Variants in FBXL7 observed in about 807,000 individuals in gnomAD.
The protein encoded by FBXL7 is F-box/LRR-repeat protein 7.
Under a neutral mutation model 38.3 loss-of-function variants are expected in FBXL7, and 12 were observed. The ratio of observed to expected loss-of-function variants is 0.31; its 90% CI spans 0.20 to 0.51. The LOEUF is 0.51. Among genes scored for constraint, FBXL7 ranks in the 20% least tolerant of loss-of-function variants. The probability of loss-of-function intolerance (pLI) is 0.98; values close to 1 mark genes in which losing one functional copy is unlikely to be tolerated. For synonymous variants in FBXL7, 297 were observed against 300.9 expected (o/e 0.99, Z 0.13); for missense variants, 567 against 676.4 (o/e 0.84, Z 1.79).
chr5:15,559,508 G>A (rs143625553), intron 1 of FBXL7, among the ~76,000 whole-genome samples: 27 of 152,230 alleles, frequency 1.8e-4, no homozygotes, highest in Non-Finnish European at 3.2e-4. Flanking sequence ...GAGAACCGAC[G>A]TGACTTGCCC....
chr5:15,781,020 G>A (rs763574213), intron 2 of FBXL7, among the ~76,000 whole-genome samples: 13 of 152,150 alleles, frequency 8.5e-5, no homozygotes, highest in Non-Finnish European at 1.5e-4. Flanking sequence ...TTGGCCAGTC[G>A]CTATTTCTAA....
chr5:15,735,898 T>C (rs964186069), intron 2 of FBXL7, among the ~76,000 whole-genome samples: 14 of 152,354 alleles, frequency 9.2e-5, no homozygotes, highest in African/African-American at 3.1e-4. Context: ...GATTAAAGGC[T>C]GTTGGGTTTA....
chr5:15,567,340 T>A (rs2126445657), intron 1 of FBXL7, among the ~76,000 whole-genome samples: 1 of 152,252 alleles, frequency 6.6e-6, no homozygotes, highest in East Asian at 1.9e-4. Context: ...TCTACTTAGG[T>A]CATAAATTTT....
At chr5:15,729,984 G>C (rs749180301) in intron 2 of FBXL7, among the ~76,000 whole-genome samples, 1 of 152,040 alleles carries the variant, frequency 6.6e-6, no homozygotes, top group Non-Finnish European at 1.5e-5. Context: ...ACATATGATC[G>C]AAGAATAAAA....
intron 2 of FBXL7, among the ~76,000 whole-genome samples, chr5:15,921,410 G>GTATCCCT (rs1448219584): frequency 1.3e-5 from 2 of 149,318 alleles, no homozygotes; most frequent in African/African-American, 4.9e-5. Flanking sequence ...TCAACCAGCA[G>GTATCCCT]TATCCCTTTT....
chr5:15,643,815 G>A (rs984002099), intron 2 of FBXL7, among the ~76,000 whole-genome samples: 1 of 152,188 alleles, frequency 6.6e-6, no homozygotes, highest in Non-Finnish European at 1.5e-5. Flanking sequence ...TTGATCATCT[G>A]TCTCTTGGCT....
In FBXL7 at chr5:15,928,820, G is replaced by A. The variant is rs1256069878; in HGVS notation, c.739+319G>A. 2.0e-5 allele frequency among the ~76,000 whole-genome samples: 3 copies of A among 152,038 alleles called. No individual in the cohort carries two copies. Among genetic ancestry groups the A allele is most frequent in the Non-Finnish European group, 4.4e-5 (3 of 68,026 alleles). Reference sequence around the variant, plus strand: ...GTTGGTGTGCTGCACCCATTAACTCGTCATTTAACATTAGGTGTATCTCCA... The same window carrying A: ...GTTGGTGTGCTGCACCCATTAACTCATCATTTAACATTAGGTGTATCTCCA... On this transcript the variant is annotated intron_variant, in intron 3 of 3. Transcript: ENST00000504595. This position sits in a 1 kb window ranked among gnomAD's most constrained non-coding sequence, Gnocchi z 4.0.
chr5:15,931,596 G>C (rs944590787), intron 3 of FBXL7, among the ~76,000 whole-genome samples: 1 of 152,046 alleles, frequency 6.6e-6, no homozygotes, highest in African/African-American at 2.4e-5. Context: ...TCCAATAATT[G>C]CTCCCTATGA....
chr5:15,512,039 CAA>C (rs894360035), intron 1 of FBXL7, among the ~76,000 whole-genome samples: 2 of 152,174 alleles, frequency 1.3e-5, no homozygotes, highest in African/African-American at 4.8e-5. Flanking sequence ...GACATTAAGA[CAA>C]AGTTATTTTA....
intron 2 of FBXL7, among the ~76,000 whole-genome samples, chr5:15,855,604 C>T (rs903207335): frequency 6.6e-6 from 1 of 152,086 alleles, no homozygotes; most frequent in African/African-American, 2.4e-5. Flanking sequence ...ATTTGTGTCA[C>T]ACCTAGAGCT....
chr5:15,917,840 C>T (rs918919504), intron 2 of FBXL7, among the ~76,000 whole-genome samples: 1 of 150,320 alleles, frequency 6.7e-6, no homozygotes, highest in Non-Finnish European at 1.5e-5. Context: ...GAAACATTCT[C>T]TACCATAGGA....
chr5:15,882,167 G>A (rs1740482247), intron 2 of FBXL7, among the ~76,000 whole-genome samples: 1 of 152,120 alleles, frequency 6.6e-6, no homozygotes. Flanking sequence ...CTCCAACCAG[G>A]CCCCACCTCC....
intron 2 of FBXL7, among the ~76,000 whole-genome samples, chr5:15,803,821 C>T (rs1417246159): frequency 6.6e-6 from 1 of 152,138 alleles, no homozygotes; most frequent in Non-Finnish European, 1.5e-5. Context: ...GGACTCTGTG[C>T]AAGTGAGGAA....
In FBXL7 at chr5:15,919,367, ATACTG is replaced by A. The variant is rs201492403; in HGVS notation, c.128-8520_128-8516del. ...GAGATGTCTTGAATATTTTGATACTATACTGTAATTACTAACGATATAAAATTTCC... is the reference window on the plus strand; with the variant it reads ...GAGATGTCTTGAATATTTTGATACTATAATTACTAACGATATAAAATTTCC... On this transcript the variant is annotated intron_variant, in intron 2 of 3. Coordinates refer to ENST00000504595, the MANE Select transcript of FBXL7 (RefSeq NM_012304.5). Among the ~76,000 whole-genome samples, 901 of 152,308 alleles carry A rather than the reference ATACTG, an allele frequency of 5.9e-3. 8 individuals are homozygous for A. The highest frequency in any genetic ancestry group is 0.019 in the African/African-American group (776 of 41,572).
At chr5:15,768,588 A>G (rs2126707861) in intron 2 of FBXL7, among the ~76,000 whole-genome samples, 1 of 152,304 alleles carries the variant, frequency 6.6e-6, no homozygotes, top group Non-Finnish European at 1.5e-5. Context: ...CAGCCTTTCA[A>G]TAGAAATTTA....
At chr5:15,578,333 T>C (rs558291424) in intron 1 of FBXL7, among the ~76,000 whole-genome samples, 1 of 152,234 alleles carries the variant, frequency 6.6e-6, no homozygotes, top group Admixed American at 6.5e-5. Context: ...AAATCCCCTT[T>C]CGGCAACAAT....
chr5:15,520,062 C>T (rs910917561), intron 1 of FBXL7, among the ~76,000 whole-genome samples: 13 of 152,206 alleles, frequency 8.5e-5, no homozygotes, highest in Admixed American at 2.0e-4. Context: ...TAGTCCATAT[C>T]GGGTAACTTC....
chr5:15,586,107 T>A (rs954177741), intron 1 of FBXL7, among the ~76,000 whole-genome samples: 1 of 152,164 alleles, frequency 6.6e-6, no homozygotes, highest in Non-Finnish European at 1.5e-5. Context: ...CTAAGAACTT[T>A]CTTTTCTTTC....
intron 2 of FBXL7, among the ~76,000 whole-genome samples, chr5:15,817,784 G>A (rs995461801): frequency 1.1e-4 from 16 of 152,284 alleles, no homozygotes; most frequent in Admixed American, 3.3e-4. Context: ...ATGTGGAACT[G>A]CGAGTCCACT....
Sources: gnomAD v4.1 joint callset for allele counts (sites outside exome capture counted in the v4.1 genomes callset) on GRCh38, gnomAD v4.1.1 for gene constraint, Gnocchi (gnomAD v3.1) non-coding constraint, MANE v1.5 for transcripts, NCBI Gene and HGNC (gene_info 2026-07-23, HGNC 2026-07-21) for gene names.